Variants in SYT14 observed in about 807,000 individuals in gnomAD.
The protein encoded by SYT14 is synaptotagmin 14.
In SYT14, 32 loss-of-function variants were observed where a neutral mutation model predicts 74.2. The ratio of observed to expected loss-of-function variants is 0.43; its 90% confidence interval spans 0.33 to 0.58. The LOEUF is 0.58. Ranked by LOEUF, SYT14 falls within the 20% of genes least tolerant of loss-of-function variation. The pLI is 0.05. For synonymous variants in SYT14, 298 were observed against 337.7 expected (o/e 0.88, Z 1.29); for missense variants, 791 against 981.8 (o/e 0.81, Z 2.60).
chr1:210,122,771 A>G (rs528740493), intron 7 of SYT14, among the ~76,000 whole-genome samples: 1 of 152,218 alleles, frequency 6.6e-6, no homozygotes, highest in Non-Finnish European at 1.5e-5. Flanking sequence ...AGTGAGGGTC[A>G]GTGAATAACT....
intron 7 of SYT14, among the ~76,000 whole-genome samples, chr1:210,118,529 G>A (rs2082401544): frequency 6.6e-6 from 1 of 152,076 alleles, no homozygotes; most frequent in Non-Finnish European, 1.5e-5. Flanking sequence ...CCAGGCTGGA[G>A]TGCAATGGCG....
At chr1:210,081,374 A>G (rs2081612543) in intron 5 of SYT14, among the ~76,000 whole-genome samples, 1 of 152,240 alleles carries the variant, frequency 6.6e-6, no homozygotes, top group South Asian at 2.1e-4. Flanking sequence ...CTGCAGGTGC[A>G]GTTCCAAACT....
intron 5 of SYT14, among the ~76,000 whole-genome samples, chr1:210,057,617 G>T (rs2081124718): frequency 6.6e-6 from 1 of 152,144 alleles, no homozygotes; most frequent in African/African-American, 2.4e-5. Context: ...ACAAAGTTAT[G>T]AACTTGATTT....
intron 6 of SYT14, among the ~76,000 whole-genome samples, 195 bp from the exon 6 acceptor site, chr1:210,099,817 A>C (rs2082029069): frequency 6.6e-6 from 1 of 152,180 alleles, no homozygotes; most frequent in South Asian, 2.1e-4. Context: ...ATAAGTTTTG[A>C]ATTTAACTTA....
chr1:209,942,453 T>G (rs1334410676), intron 1 of SYT14, among the ~76,000 whole-genome samples: 5 of 145,820 alleles, frequency 3.4e-5, no homozygotes, highest in African/African-American at 1.3e-4. Flanking sequence ...ACAACAACCT[T>G]GCATTATAGT....
At chr1:210,022,039 C>T (rs146409743) in intron 5 of SYT14, among the ~76,000 whole-genome samples, 5 of 152,256 alleles carry the variant, frequency 3.3e-5, no homozygotes, top group African/African-American at 4.8e-5. Flanking sequence ...TATGGCTACT[C>T]ATCATGATTA....
intron 2 of SYT14, among the ~76,000 whole-genome samples, chr1:209,971,923 T>G (rs2079262727): frequency 6.6e-6 from 1 of 152,174 alleles, no homozygotes; most frequent in Non-Finnish European, 1.5e-5. Flanking sequence ...GAGGAGTCCC[T>G]CCTCCTTGTT....
At chr1:209,983,222 A>G (rs552235453) in intron 2 of SYT14, among the ~76,000 whole-genome samples, 18 of 151,072 alleles carry the variant, frequency 1.2e-4, no homozygotes, top group Admixed American at 5.3e-4. Flanking sequence ...TTTATCAACT[A>G]TTTTTTTTCA....
chr1:210,169,578 G>A (rs1035664968), exon 10 of SYT14: 2 of 151,984 alleles, frequency 1.3e-5, no homozygotes, highest in African/African-American at 2.4e-5. Context: ...TTATGTTTCT[G>A]TATAATTTTA....
chr1:210,131,454 A>G (rs2082671970), intron 7 of SYT14, among the ~76,000 whole-genome samples: 1 of 152,066 alleles, frequency 6.6e-6, no homozygotes, highest in Non-Finnish European at 1.5e-5. Context: ...GTAGAATGGT[A>G]TATACTATAC....
intron 5 of SYT14, among the ~76,000 whole-genome samples, chr1:210,063,946 T>C (rs984860804): frequency 7.2e-5 from 11 of 151,920 alleles, no homozygotes; most frequent in African/African-American, 2.7e-4. Context: ...TAACACCCTC[T>C]TTCCGTTTCT....
intron 2 of SYT14, among the ~76,000 whole-genome samples, chr1:209,980,417 A>G (rs2079461942): frequency 6.6e-6 from 1 of 152,138 alleles, no homozygotes; most frequent in African/African-American, 2.4e-5. Context: ...TCTGATGGAT[A>G]GTTCCTTTTG....
At chr1:210,012,693 T>C (rs4844939) in intron 2 of SYT14, among the ~76,000 whole-genome samples, 7,625 of 151,820 alleles carry the variant, frequency 0.05, 1,054 homozygotes, top group East Asian at 0.42. Flanking sequence ...ATATAACCTT[T>C]TTCTTTCTTT....
chr1:209,999,618 G>A (rs1043711756), intron 2 of SYT14, among the ~76,000 whole-genome samples: 2 of 152,098 alleles, frequency 1.3e-5, no homozygotes, highest in African/African-American at 4.8e-5. Flanking sequence ...AAAAGAACTA[G>A]AGGTCATTAT....
chr1:210,108,177 A>T (rs2082193705), intron 7 of SYT14, among the ~76,000 whole-genome samples: 1 of 152,236 alleles, frequency 6.6e-6, no homozygotes, highest in East Asian at 1.9e-4. Context: ...AACACAAAGC[A>T]GTTCTGGAAG....
intron 5 of SYT14, among the ~76,000 whole-genome samples, chr1:210,046,419 A>G (rs576243667): frequency 6.2e-4 from 60 of 97,430 alleles, no homozygotes; most frequent in Non-Finnish European, 9.5e-4. Context: ...GTACAAGTCA[A>G]TGATTTTTTT....
intron 7 of SYT14, among the ~76,000 whole-genome samples, chr1:210,134,686 C>T (rs1194182844): frequency 1.3e-5 from 2 of 152,250 alleles, no homozygotes; most frequent in East Asian, 3.9e-4. Context: ...ACATGCTTTT[C>T]CTCCTCCTCC....
At chr1:210,162,629 T>C (rs1290599461) in exon 10 of SYT14, 4 of 412,442 alleles carry the variant, frequency 9.7e-6, no homozygotes, top group African/African-American at 8.4e-5. Context: ...TTGCTTCTAG[T>C]CCCAACTAAG....
intron 2 of SYT14, among the ~76,000 whole-genome samples, chr1:209,957,561 G>C (rs929049577): frequency 4.6e-5 from 7 of 151,908 alleles, no homozygotes; most frequent in African/African-American, 1.7e-4. Flanking sequence ...CAAGTAGCTG[G>C]GATTACAGGC....
Sources: gnomAD v4.1 joint callset for allele counts (sites outside exome capture counted in the v4.1 genomes callset) on GRCh38, gnomAD v4.1.1 for gene constraint, MANE v1.5 for transcripts, NCBI Gene and HGNC (gene_info 2026-07-23, HGNC 2026-07-21) for gene names.